The following BEAN1 variants were observed in gnomAD, a reference collection of about 807,000 sequenced individuals.
BEAN1 encodes protein BEAN1.
A neutral mutation model predicts 17.7 loss-of-function variants in BEAN1; 17 were observed. That is an observed-to-expected ratio of 0.96 (90% CI 0.66 to 1.44). The LOEUF (loss-of-function observed/expected upper bound fraction) is 1.44, where lower values mean the gene tolerates loss of function less well. Among genes scored for constraint, BEAN1 ranks in the 40% most tolerant of loss-of-function variants. The probability of loss-of-function intolerance (pLI) is 0.00; values close to 1 mark genes in which losing one functional copy is unlikely to be tolerated. For synonymous variants in BEAN1, 142 were observed against 151.8 expected, an observed-to-expected ratio of 0.94 and a Z score of 0.47; for missense variants, 359 against 374.1, an observed-to-expected ratio of 0.96 and a Z score of 0.33.
Position 66,481,041 on chromosome 16 carries a change from A to T in BEAN1, c.*116A>T. On this transcript the variant is annotated 3_prime_UTR_variant, in exon 5 of 5. Coordinates refer to ENST00000536005, the MANE Select transcript of BEAN1 (RefSeq NM_001178020.3). The surrounding 1 kb of genome is among the most constrained non-coding windows in gnomAD (Gnocchi z 4.1). ...CACGTGACTCATAACACACACATAGACCAAACTTGTATACACACAGACATC... is the reference window on the plus strand; with the variant it reads ...CACGTGACTCATAACACACACATAGTCCAAACTTGTATACACACAGACATC... 3.8e-6 allele frequency: 3 copies of T among 797,628 alleles called. No individual in the cohort carries two copies. Among genetic ancestry groups the T allele is most frequent in the Non-Finnish European group, 5.4e-6 (3 of 560,738 alleles). 49.4% of individuals were successfully genotyped at this position (797,628 alleles called of 1,614,324 possible).
rs927332152 is a variant in BEAN1 at position 66,473,581 on chromosome 16, C to T, written c.289+3716C>T. ...GCGCGGTGCCTCACACCTATAATCCCAGCACTTTGGGAGGCCAAGGTGGGA... is the reference window on the plus strand; with the variant it reads ...GCGCGGTGCCTCACACCTATAATCCTAGCACTTTGGGAGGCCAAGGTGGGA... On this transcript the variant is annotated intron_variant, in intron 3 of 4. Coordinates refer to ENST00000536005, the MANE Select transcript of BEAN1 (RefSeq NM_001178020.3). This position sits in a 1 kb window ranked among gnomAD's most constrained non-coding sequence, Gnocchi z 4.5. Among the ~76,000 whole-genome samples, 4 of 152,020 alleles carry T rather than the reference C, an allele frequency of 2.6e-5. No homozygotes were observed. The highest frequency in any genetic ancestry group is 9.7e-5 in the African/African-American group (4 of 41,364).
intron 1 of BEAN1, among the ~76,000 whole-genome samples, chr16:66,433,899 C>T (rs1251590584): frequency 6.6e-6 from 1 of 152,226 alleles, no homozygotes; most frequent in Non-Finnish European, 1.5e-5. Context: ...ACTGGCGCGT[C>T]AGCAGACCCA....
At chr16:66,490,721 T>G (rs1404369984) in intron 4 of BEAN1, among the ~76,000 whole-genome samples, 3 of 152,038 alleles carry the variant, frequency 2.0e-5, no homozygotes, top group African/African-American at 7.2e-5. Context: ...GGGATGGTAG[T>G]GTGGAAAGAT....
chr16:66,447,383 G>A (rs1209961215), intron 2 of BEAN1, among the ~76,000 whole-genome samples: 1 of 152,200 alleles, frequency 6.6e-6, no homozygotes, highest in Non-Finnish European at 1.5e-5. Flanking sequence ...CCTGTAAAAT[G>A]GGATCATTAG....
intron 4 of BEAN1, among the ~76,000 whole-genome samples, chr16:66,489,174 A>G (rs1964130556): frequency 2.2e-5 from 3 of 134,844 alleles, no homozygotes; most frequent in African/African-American, 7.2e-5. Flanking sequence ...CTCCATCTCA[A>G]AAAAAAACAA....
At chr16:66,488,022 T>G (rs1964113017) in intron 4 of BEAN1, among the ~76,000 whole-genome samples, 1 of 152,122 alleles carries the variant, frequency 6.6e-6, no homozygotes, top group African/African-American at 2.4e-5. Context: ...GACTCCAGCA[T>G]GAGAGGGCAG....
chr16:66,481,053 T>TGCTACGGCA lies in BEAN1; in HGVS notation c.*128_*129insGCTACGGCA. ...AACACACACATAGACCAAACTTGTA[T>TGCTACGGCA]ACACACAGACATCTACACTGACATA... On this transcript the variant is annotated 3_prime_UTR_variant, in exon 5 of 5. Coordinates refer to ENST00000536005, the MANE Select transcript of BEAN1 (RefSeq NM_001178020.3). This position sits in a 1 kb window ranked among gnomAD's most constrained non-coding sequence, Gnocchi z 4.1. The TGCTACGGCA allele has an allele frequency of 1.5e-6, 1 of 688,156 alleles. No individual in the cohort carries two copies. Among genetic ancestry groups the TGCTACGGCA allele is most frequent in the African/African-American group, 1.8e-5 (1 of 54,688 alleles). The allele number at this position is 688,156 out of a possible 1,614,324, so 42.6% of individuals were successfully genotyped here.
intron 4 of BEAN1, among the ~76,000 whole-genome samples, chr16:66,478,766 C>T (rs571890608): frequency 2.0e-5 from 3 of 152,164 alleles, no homozygotes; most frequent in South Asian, 4.2e-4. Flanking sequence ...CTGAGGAGGA[C>T]GAGGGGAGGG....
chr16:66,484,334 C>T (rs955796240), downstream of BEAN1: 12 of 340,168 alleles, frequency 3.5e-5, no homozygotes, highest in East Asian at 7.6e-5. This position sits in a 1 kb window ranked among gnomAD's most constrained non-coding sequence, Gnocchi z 4.2. Flanking sequence ...CACCCCACAC[C>T]GACACCCAGC....
At chr16:66,465,847 C>G (rs1048286805) in intron 2 of BEAN1, among the ~76,000 whole-genome samples, 1 of 152,174 alleles carries the variant, frequency 6.6e-6, no homozygotes, top group African/African-American at 2.4e-5. Context: ...TTGGAATTTG[C>G]ACATTTTATC....
chr16:66,448,966 T>TGC (rs1408955952), intron 2 of BEAN1, among the ~76,000 whole-genome samples: 2 of 152,182 alleles, frequency 1.3e-5, no homozygotes, highest in African/African-American at 4.8e-5. Flanking sequence ...GCTACAATCT[T>TGC]GCCACTGTAC....
At chr16:66,474,078 T>C (rs1216402323) in intron 3 of BEAN1, among the ~76,000 whole-genome samples, 3 of 152,114 alleles carry the variant, frequency 2.0e-5, no homozygotes, top group Admixed American at 2.0e-4. Context: ...CACCTCAGGC[T>C]CCAGGTGTCC....
downstream of BEAN1, among the ~76,000 whole-genome samples, chr16:66,486,246 TG>T (rs778024848): frequency 1.3e-5 from 2 of 152,166 alleles, no homozygotes; most frequent in African/African-American, 4.8e-5. Context: ...TGTTTGTTTT[TG>T]AGTCAAAGTC....
intron 1 of BEAN1, among the ~76,000 whole-genome samples, chr16:66,429,862 G>A (rs1054276694): frequency 7.2e-5 from 11 of 152,198 alleles, no homozygotes; most frequent in Non-Finnish European, 1.3e-4. Context: ...GGAATGTGAC[G>A]GGGATGCAGG....
chr16:66,486,682 C>T (rs149442791), downstream of BEAN1, among the ~76,000 whole-genome samples: 34 of 152,320 alleles, frequency 2.2e-4, no homozygotes, highest in African/African-American at 7.7e-4. Context: ...CCACATTCAT[C>T]TCTCCTGGAA....
chr16:66,443,158 T>C (rs1821622164), intron 2 of BEAN1, among the ~76,000 whole-genome samples: 1 of 152,232 alleles, frequency 6.6e-6, no homozygotes, highest in Non-Finnish European at 1.5e-5. Flanking sequence ...CATCCTTTGC[T>C]GAAGTGTGAC....
At chr16:66,453,342 T>TATAC (rs1555518679) in intron 2 of BEAN1, among the ~76,000 whole-genome samples, 2 of 147,634 alleles carry the variant, frequency 1.4e-5, no homozygotes, top group Non-Finnish European at 3.0e-5. Context: ...CATTCTGTTA[T>TATAC]ACACACACAC....
chr16:66,490,447 A>AATAAT, intron 4 of BEAN1, among the ~76,000 whole-genome samples: 1 of 142,792 alleles, frequency 7.0e-6, no homozygotes, highest in Non-Finnish European at 1.5e-5. Context: ...AATAAAATAA[A>AATAAT]ATAAAATAAT....
At chr16:66,492,324 G>A (rs1030986610) in intron 4 of BEAN1, among the ~76,000 whole-genome samples, 9 of 151,868 alleles carry the variant, frequency 5.9e-5, no homozygotes, top group African/African-American at 2.2e-4. Flanking sequence ...TTACAGATGT[G>A]AGCAGTCACA....
Sources: gnomAD v4.1 joint callset for allele counts (sites outside exome capture counted in the v4.1 genomes callset) on GRCh38, gnomAD v4.1.1 for gene constraint, Gnocchi (gnomAD v3.1) non-coding constraint, MANE v1.5 for transcripts, NCBI Gene and HGNC (gene_info 2026-07-23, HGNC 2026-07-21) for gene names.